BACH2: variants seen among roughly 807,000 people sequenced by gnomAD.
BACH2 encodes the protein transcription regulator protein BACH2.
BACH2 carries 5 observed loss-of-function variants against 61.8 expected under a neutral mutation model. The observed-to-expected ratio is 0.08, with a 90% CI of 0.04 to 0.17. The LOEUF is 0.17. Among genes scored for constraint, BACH2 ranks in the 10% least tolerant of loss-of-function variants. The pLI is 1.00. For missense variants in BACH2, 824 were observed against 1,091.1 expected, an observed-to-expected ratio of 0.76 and a Z score of 3.45; for synonymous variants, 446 against 440.1, an observed-to-expected ratio of 1.01 and a Z score of -0.17.
intron 2 of BACH2, 149 bp downstream of exon 2, chr6:90,271,700 C>T (rs888368776): frequency 2.0e-5 from 3 of 152,182 alleles, no homozygotes; most frequent in African/African-American, 7.2e-5. Context: ...CCATCTTACT[C>T]CTGTAAGAAC....
At chr6:90,282,613 A>G (rs978842660) in intron 1 of BACH2, among the ~76,000 whole-genome samples, 2 of 152,158 alleles carry the variant, frequency 1.3e-5, no homozygotes, top group African/African-American at 2.4e-5. Flanking sequence ...CGCAACGAAC[A>G]TACACGTGTA....
intron 2 of BACH2, among the ~76,000 whole-genome samples, chr6:90,260,876 A>G (rs1490220080): frequency 6.6e-6 from 1 of 152,182 alleles, no homozygotes; most frequent in East Asian, 1.9e-4. Flanking sequence ...GTTCCAAGAA[A>G]GGTCTGCTCA....
chr6:90,158,225 C>T (rs568670013), intron 4 of BACH2, among the ~76,000 whole-genome samples: 24 of 152,182 alleles, frequency 1.6e-4, no homozygotes, highest in African/African-American at 5.8e-4. Flanking sequence ...GAGTTGTATA[C>T]AACAGAAGAT....
In BACH2 at chr6:90,029,337, G is replaced by A. The variant is rs117583879; in HGVS notation, c.-12-20481C>T. ...TCCTTATGTGTGAAATGAAGATAAA[G>A]ACTGTCTCCCGAGAGACTGTTAGGA... On this transcript the variant is annotated intron_variant, in intron 5 of 8. Transcript: ENST00000257749. Among the ~76,000 whole-genome samples, 199 of 152,200 alleles carry A rather than the reference G, an allele frequency of 1.3e-3. 5 individuals are homozygous for A. In the East Asian group the frequency reaches 0.034, roughly 26 times the overall value.
At chr6:90,168,309 A>G (rs1003106072) in intron 4 of BACH2, among the ~76,000 whole-genome samples, 1 of 152,222 alleles carries the variant, frequency 6.6e-6, no homozygotes, top group Non-Finnish European at 1.5e-5. Flanking sequence ...AGTCATGATC[A>G]TGCCACTGTA....
At chr6:90,262,221 CAT>C (rs1162108807) in intron 2 of BACH2, among the ~76,000 whole-genome samples, 1 of 152,190 alleles carries the variant, frequency 6.6e-6, no homozygotes, top group Non-Finnish European at 1.5e-5. Context: ...TACAATGTGG[CAT>C]ATGTTTCATG....
chr6:90,099,001 C>T (rs1359350449), intron 4 of BACH2, among the ~76,000 whole-genome samples: 1 of 152,188 alleles, frequency 6.6e-6, no homozygotes, highest in Non-Finnish European at 1.5e-5. Context: ...CTTCTGTCTT[C>T]CTGTCACTTT....
intron 5 of BACH2, among the ~76,000 whole-genome samples, chr6:90,065,611 T>C (rs1056555137): frequency 1.3e-5 from 2 of 152,176 alleles, no homozygotes; most frequent in Non-Finnish European, 2.9e-5. Context: ...ATGGTTCGCC[T>C]ACCTCTATCC....
intron 4 of BACH2, among the ~76,000 whole-genome samples, chr6:90,156,590 G>A: frequency 6.6e-6 from 1 of 152,106 alleles, no homozygotes; most frequent in Non-Finnish European, 1.5e-5. Flanking sequence ...AAAATAATGA[G>A]AGAACACCAA....
chr6:90,252,023 C>T (rs1381645383), intron 3 of BACH2, among the ~76,000 whole-genome samples: 3 of 152,114 alleles, frequency 2.0e-5, no homozygotes, highest in Non-Finnish European at 4.4e-5. Context: ...TGACTATGCT[C>T]AAATACACTG....
chr6:90,096,176 C>G (rs1782374366), intron 4 of BACH2, among the ~76,000 whole-genome samples: 1 of 152,218 alleles, frequency 6.6e-6, no homozygotes, highest in African/African-American at 2.4e-5. Flanking sequence ...GGTTATAGTT[C>G]ATGAAGCATA....
chr6:90,150,184 C>T (rs111322064), intron 4 of BACH2, among the ~76,000 whole-genome samples: 199 of 152,272 alleles, frequency 1.3e-3, no homozygotes, highest in African/African-American at 4.3e-3. Context: ...TGCAGCGTCT[C>T]TCATGCCCGT....
chr6:89,968,604 T>G (rs6941452), intron 6 of BACH2, among the ~76,000 whole-genome samples: 101,381 of 152,200 alleles, frequency 0.67, 34,518 homozygotes, highest in East Asian at 0.87. Context: ...TTTGTGTACA[T>G]ATGAGGCATT....
chr6:90,097,140 G>C (rs1782412968), intron 4 of BACH2, among the ~76,000 whole-genome samples: 1 of 152,164 alleles, frequency 6.6e-6, no homozygotes, highest in Non-Finnish European at 1.5e-5. Context: ...GATGACTCTT[G>C]GCAGGCTGGG....
intron 5 of BACH2, among the ~76,000 whole-genome samples, chr6:90,059,449 G>A (rs887892462): frequency 1.3e-5 from 2 of 152,146 alleles, no homozygotes; most frequent in Non-Finnish European, 2.9e-5. Flanking sequence ...CAGTTAGAAT[G>A]GCGATCATTA....
chr6:90,158,769 G>GC (rs1220454573), intron 4 of BACH2, among the ~76,000 whole-genome samples: 1 of 150,614 alleles, frequency 6.6e-6, no homozygotes, highest in African/African-American at 2.5e-5. Flanking sequence ...TTTTGGTGGG[G>GC]GGGGGGCACT....
intron 2 of BACH2, among the ~76,000 whole-genome samples, chr6:90,267,329 C>T (rs754787274): frequency 1.3e-5 from 2 of 152,166 alleles, no homozygotes; most frequent in Non-Finnish European, 2.9e-5. Context: ...AAGAAGCACA[C>T]TCTTGCTGGC....
chr6:89,932,695 C>T lies in BACH2; in HGVS notation c.2239G>A (p.Ala747Thr). Residue 747 changes from alanine (A) to threonine (T), a missense_variant, in exon 9 of 9, where the codon GCG becomes ACG. By Grantham distance (58) the Ala-to-Thr change is moderately conservative. Transcript: ENST00000257749. ...DLPTASSINP[A>T]PLGAEQNIAA... The stretch of plus-strand genomic sequence containing the variant: ...ATGTTCTGCTCAGCACCCAAGGGCG[C>T]AGGGTTAATACTGGAGGCCGTGGGC... 1 of 1,614,144 alleles carries T rather than the reference C, an allele frequency of 6.2e-7. No individual in the cohort carries two copies. Among genetic ancestry groups the T allele is most frequent in the Non-Finnish European group, 8.5e-7 (1 of 1,180,010 alleles).
chr6:89,959,358 G>A (rs1156569262), intron 6 of BACH2, among the ~76,000 whole-genome samples: 2 of 152,112 alleles, frequency 1.3e-5, no homozygotes, highest in African/African-American at 2.4e-5. Flanking sequence ...CCATGATAGA[G>A]AGTCATGACT....
Sources: gnomAD v4.1 joint callset for allele counts (sites outside exome capture counted in the v4.1 genomes callset) on GRCh38, gnomAD v4.1.1 for gene constraint, MANE v1.5 for transcripts, NCBI Gene and HGNC (gene_info 2026-07-23, HGNC 2026-07-21) for gene names.